The following TEX101 variants were observed in gnomAD, a reference collection of about 807,000 sequenced individuals.
TEX101 encodes testis-expressed protein 101.
Under a neutral mutation model 18.1 loss-of-function variants are expected in TEX101, and 10 were observed. The observed-to-expected ratio is 0.55, with a 90% CI of 0.34 to 0.94. TEX101 has a LOEUF of 0.94. TEX101 is among the 40% of genes least tolerant of loss of function. TEX101 has a pLI of 0.02. For missense variants in TEX101, 259 were observed against 298.9 expected (o/e 0.87, Z 0.98); for synonymous variants, 94 against 114.8 (o/e 0.82, Z 1.16).
chr19:43,418,559 G>A lies in TEX101; in HGVS notation c.*162G>A. 1.6e-6 allele frequency: 1 copy of A among 628,026 alleles called. No individual in the cohort carries two copies. Among genetic ancestry groups the A allele is most frequent in the South Asian group, 2.0e-5 (1 of 48,914 alleles). The allele number at this position is 628,026 out of a possible 1,614,324, so 38.9% of individuals were successfully genotyped here. On this transcript the variant is annotated 3_prime_UTR_variant, in exon 6 of 6. Transcript: ENST00000598265. ...TAATACAATTTCTGCTATAATTTTT[G>A]TATGCAGTAGGCGTTACTAATAAAC...
intron 3 of TEX101, among the ~76,000 whole-genome samples, chr19:43,408,843 T>C (rs548350520): frequency 6.2e-4 from 94 of 152,216 alleles, no homozygotes; most frequent in Non-Finnish European, 1.2e-3. Context: ...TAAGGTCACA[T>C]GGGAAACTTC....
chr19:43,406,117 C>A (rs1970360636), intron 2 of TEX101: 2 of 156,864 alleles, frequency 1.3e-5, no homozygotes, highest in Non-Finnish European at 2.5e-5. Flanking sequence ...ATGCCTGGCT[C>A]ACGCCTGTAA....
intron 4 of TEX101, 38 bp from the exon 5 acceptor site, chr19:43,417,840 A>G: frequency 6.2e-7 from 1 of 1,612,354 alleles, no homozygotes; most frequent in Non-Finnish European, 8.5e-7. Flanking sequence ...CTCTGGAGGC[A>G]GGACCTGCCC....
the TEX101 span, among the ~76,000 whole-genome samples, chr19:43,392,732 T>C: frequency 6.6e-6 from 1 of 151,882 alleles, no homozygotes; most frequent in Non-Finnish European, 1.5e-5. Flanking sequence ...ACAGACAGTG[T>C]GCAGGAGGAA....
At chr19:43,405,027 C>T (rs1970348909) in intron 2 of TEX101, among the ~76,000 whole-genome samples, 1 of 151,944 alleles carries the variant, frequency 6.6e-6, no homozygotes, top group African/African-American at 2.4e-5. Flanking sequence ...TGTAAATGTA[C>T]TTGGTATAAA....
At chr19:43,392,002 G>C in the TEX101 span, among the ~76,000 whole-genome samples, 13 of 152,180 alleles carry the variant, frequency 8.5e-5, no homozygotes, top group Admixed American at 2.6e-4. Flanking sequence ...GGCCACCCAA[G>C]ACCTCAATAC....
chr19:43,412,855 C>T (rs1346202476), upstream of TEX101, among the ~76,000 whole-genome samples: 2 of 152,114 alleles, frequency 1.3e-5, no homozygotes, highest in Non-Finnish European at 2.9e-5. Flanking sequence ...CGTTGCCTTA[C>T]TTTAAGGAAG....
rs568793721 is a variant in TEX101 at position 43,418,085 on chromosome 19, C to T, written c.520+79C>T. On this transcript the variant is annotated intron_variant, in intron 5 of 5. Coordinates refer to ENST00000598265, the MANE Select transcript of TEX101 (RefSeq NM_001130011.3). Reference sequence around the variant, plus strand: ...GCTCCCCAGAGATTCTGACACTGAGCTCTCCAGGGATGAGGGGGGACTGGA... The same window carrying T: ...GCTCCCCAGAGATTCTGACACTGAGTTCTCCAGGGATGAGGGGGGACTGGA... The T allele has an allele frequency of 5.5e-5, 88 of 1,611,930 alleles. 1 individual carries two copies. The South Asian group carries it at 9.5e-4, about 17-fold the overall frequency.
At chr19:43,388,896 C>A in the TEX101 span, among the ~76,000 whole-genome samples, 2 of 152,096 alleles carry the variant, frequency 1.3e-5, no homozygotes, top group African/African-American at 4.8e-5. Flanking sequence ...CAACCCCCAC[C>A]CAACCTACCC....
chr19:43,413,042 C>G (rs1803871909), upstream of TEX101, among the ~76,000 whole-genome samples: 1 of 152,108 alleles, frequency 6.6e-6, no homozygotes, highest in South Asian at 2.1e-4. Context: ...AACAGCAACC[C>G]CTGACCTAAA....
the TEX101 span, among the ~76,000 whole-genome samples, chr19:43,393,088 G>A: frequency 6.7e-6 from 1 of 150,170 alleles, no homozygotes; most frequent in Non-Finnish European, 1.5e-5. Flanking sequence ...AGGAAGGAAG[G>A]AAGGAAGGAA....
At chr19:43,413,297 C>T (rs966286771), upstream of TEX101, among the ~76,000 whole-genome samples, 8 of 151,922 alleles carry the variant, frequency 5.3e-5, no homozygotes, top group South Asian at 4.2e-4. Flanking sequence ...GTCAGGAGAT[C>T]GAGACCATCC....
At chr19:43,408,973 A>T (rs997473864) in intron 3 of TEX101, among the ~76,000 whole-genome samples, 6 of 152,284 alleles carry the variant, frequency 3.9e-5, no homozygotes, top group Admixed American at 1.3e-4. Context: ...TCTACTTCCA[A>T]CTCACAAGTT....
At chr19:43,392,558 A>G in the TEX101 span, among the ~76,000 whole-genome samples, 3 of 152,056 alleles carry the variant, frequency 2.0e-5, no homozygotes, top group Admixed American at 2.0e-4. Flanking sequence ...TAGAACCAAA[A>G]GAGCACCCAA....
chr19:43,393,594 A>G, the TEX101 span, among the ~76,000 whole-genome samples: 5,832 of 152,046 alleles, frequency 0.038, 133 homozygotes, highest in Middle Eastern at 0.099. Flanking sequence ...TACAGCAGTC[A>G]GCACTAATAT....
At chr19:43,412,665 T>C (rs1286510417), upstream of TEX101, among the ~76,000 whole-genome samples, 2 of 152,138 alleles carry the variant, frequency 1.3e-5, no homozygotes, top group African/African-American at 4.8e-5. Flanking sequence ...GGCTGAAAAC[T>C]GGCACACATT....
At chr19:43,389,591 T>A in the TEX101 span, among the ~76,000 whole-genome samples, 11 of 152,114 alleles carry the variant, frequency 7.2e-5, no homozygotes, top group African/African-American at 2.7e-4. Flanking sequence ...CCTTGGAGCT[T>A]GGTGACCTTC....
At chr19:43,414,856 G>A (rs1358833206), upstream of TEX101, 1 of 985,322 alleles carries the variant, frequency 1.0e-6, no homozygotes, top group Non-Finnish European at 1.2e-6. Flanking sequence ...GGTTTCGAGT[G>A]CTGTGTGGCC....
At chr19:43,389,113 C>G in the TEX101 span, among the ~76,000 whole-genome samples, 1 of 152,186 alleles carries the variant, frequency 6.6e-6, no homozygotes, top group Non-Finnish European at 1.5e-5. Flanking sequence ...CACCTTGGGA[C>G]GGGCATCTGC....
Sources: allele counts gnomAD v4.1 joint callset (sites outside exome capture counted in the v4.1 genomes callset), GRCh38; gene constraint gnomAD v4.1.1; transcripts MANE v1.5; gene names NCBI Gene and HGNC (gene_info 2026-07-23, HGNC 2026-07-21).